The following RBFOX1 variants were observed in gnomAD, a reference collection of about 807,000 sequenced individuals.
RBFOX1 encodes the protein RNA binding protein fox-1 homolog 1.
Under a neutral mutation model 57.7 loss-of-function variants are expected in RBFOX1, and 8 were observed. That is an observed-to-expected ratio of 0.14 (90% CI 0.08 to 0.25). The LOEUF (loss-of-function observed/expected upper bound fraction) is 0.25, where lower values mean the gene tolerates loss of function less well. Ranked by LOEUF, RBFOX1 falls within the 10% of genes least tolerant of loss-of-function variation. The pLI, the probability that RBFOX1 is intolerant of heterozygous loss-of-function variation, is 1.00. For synonymous variants in RBFOX1, 326 were observed against 222.4 expected, an observed-to-expected ratio of 1.47 and a Z score of -4.15; for missense variants, 611 against 548.5, an observed-to-expected ratio of 1.11 and a Z score of -1.14.
chr16:6,473,522 A>G (rs955134773), intron 2 of RBFOX1, among the ~76,000 whole-genome samples: 1 of 151,946 alleles, frequency 6.6e-6, no homozygotes, highest in African/African-American at 2.4e-5. Context: ...CATAAGCTAC[A>G]TGAGGGCTCT....
chr16:6,293,492 C>G (rs7199065), intron 1 of RBFOX1, among the ~76,000 whole-genome samples: 119,385 of 152,068 alleles, frequency 0.79, 47,131 homozygotes, highest in East Asian at 0.99. Flanking sequence ...CTGCCAGGTC[C>G]TTGGATAAGC....
At chr16:5,619,680 G>A (rs1383432885) in intron 3 of RBFOX1, among the ~76,000 whole-genome samples, 1 of 152,182 alleles carries the variant, frequency 6.6e-6, no homozygotes, top group Non-Finnish European at 1.5e-5. Context: ...CTGCCCAGCT[G>A]TTGCCAGAAA....
At chr16:5,764,178 A>C (rs557946442) in intron 3 of RBFOX1, among the ~76,000 whole-genome samples, 1 of 152,300 alleles carries the variant, frequency 6.6e-6, no homozygotes, top group Non-Finnish European at 1.5e-5. Context: ...CATTTGGGCT[A>C]CTACAACTCT....
At chr16:7,263,938 A>C (rs1339985441) in intron 4 of RBFOX1, among the ~76,000 whole-genome samples, 1 of 148,932 alleles carries the variant, frequency 6.7e-6, no homozygotes, top group Non-Finnish European at 1.5e-5. Context: ...AAAAAAAAAC[A>C]AGTAGAAGGA....
At chr16:7,698,458 C>A (rs1366435702) in intron 14 of RBFOX1, among the ~76,000 whole-genome samples, 3 of 151,988 alleles carry the variant, frequency 2.0e-5, no homozygotes, top group African/African-American at 7.3e-5. Context: ...CCCAAGTTAC[C>A]AATTAGAAGC....
Position 6,677,937 on chromosome 16 carries a change from A to G in RBFOX1, c.-16+23287A>G, listed in dbSNP as rs1239886755. ...GTGATTAATCAGTAAGGAACCATAA[A>G]GAACATCTAACCTAGTACCGCCTAA... On this transcript the variant is annotated intron_variant, in intron 3 of 15. Coordinates refer to ENST00000550418, the MANE Select transcript of RBFOX1 (RefSeq NM_018723.4). Among the ~76,000 whole-genome samples the G allele has an allele frequency of 3.3e-5, 5 of 152,232 alleles. 1 individual carries two copies. The highest frequency in any genetic ancestry group is 5.9e-5 in the Non-Finnish European group (4 of 68,046).
At chr16:6,128,407 A>T (rs776525301) in intron 1 of RBFOX1, among the ~76,000 whole-genome samples, 1 of 152,198 alleles carries the variant, frequency 6.6e-6, no homozygotes, top group Non-Finnish European at 1.5e-5. Flanking sequence ...GCAATGAAAT[A>T]CCTAAGGCTA....
At chr16:7,614,855 G>A (rs1048870719) in intron 10 of RBFOX1, 3 of 152,166 alleles carry the variant, frequency 2.0e-5, no homozygotes, top group Non-Finnish European at 2.9e-5. Context: ...CAAGGTTTCT[G>A]GGAAAGCTTA....
rs533884876 is a variant in RBFOX1 at position 6,153,546 on chromosome 16, T to TC, written c.-127+133559dup. 2.1e-3 allele frequency among the ~76,000 whole-genome samples: 319 copies of TC among 152,182 alleles called. 3 individuals carry two copies. The highest frequency in any genetic ancestry group is 7.3e-3 in the African/African-American group (304 of 41,512). ...CAAAGTCCATTGTACGTTTTTTTTT[T>TC]CCCCCTTGGGATGGAGTCTCCCTCT... On this transcript the variant is annotated intron_variant, in intron 1 of 15. Transcript: ENST00000550418.
chr16:5,291,816 C>A (rs1322171374), intron 1 of RBFOX1, among the ~76,000 whole-genome samples: 2 of 152,044 alleles, frequency 1.3e-5, no homozygotes, highest in Admixed American at 6.6e-5. Context: ...GAGGTAAAAC[C>A]CACGTGACTT....
intron 3 of RBFOX1, among the ~76,000 whole-genome samples, chr16:5,675,047 C>G (rs1431662806): frequency 6.6e-6 from 1 of 152,028 alleles, no homozygotes; most frequent in Admixed American, 6.6e-5. Flanking sequence ...TACTTGGAGC[C>G]TGAGGTGGGA....
chr16:7,569,467 G>A (rs1303945522), intron 5 of RBFOX1, among the ~76,000 whole-genome samples: 1 of 152,142 alleles, frequency 6.6e-6, no homozygotes, highest in African/African-American at 2.4e-5. Context: ...GACATTGGGG[G>A]TTCTCTTCCA....
At chr16:6,324,478 A>G (rs971397808) in intron 2 of RBFOX1, among the ~76,000 whole-genome samples, 3 of 152,198 alleles carry the variant, frequency 2.0e-5, no homozygotes, top group Non-Finnish European at 4.4e-5. Flanking sequence ...TTATGGCAGA[A>G]GGCAGAAGGC....
chr16:6,685,870 C>A (rs1377905682), intron 3 of RBFOX1, among the ~76,000 whole-genome samples: 3 of 152,094 alleles, frequency 2.0e-5, no homozygotes, highest in Non-Finnish European at 4.4e-5. Context: ...CTTAAAGCCA[C>A]CATTATTAAT....
intron 3 of RBFOX1, among the ~76,000 whole-genome samples, chr16:5,690,320 T>C (rs1321507352): frequency 6.6e-6 from 1 of 152,172 alleles, no homozygotes; most frequent in African/African-American, 2.4e-5. Flanking sequence ...CTGAAAGGAA[T>C]ACTCCTCAAT....
At chr16:7,678,274 T>C (rs2073899647) in intron 14 of RBFOX1, among the ~76,000 whole-genome samples, 1 of 152,198 alleles carries the variant, frequency 6.6e-6, no homozygotes, top group Non-Finnish European at 1.5e-5. Context: ...GTGTTTCATG[T>C]AAGTTGTTAT....
chr16:7,056,045 G>A (rs1478271428), intron 4 of RBFOX1, among the ~76,000 whole-genome samples: 2 of 152,104 alleles, frequency 1.3e-5, no homozygotes, highest in Non-Finnish European at 2.9e-5. Flanking sequence ...TTTGCCTTGT[G>A]TAATTTGGAC....
intron 3 of RBFOX1, chr16:6,703,873 C>G (rs1437562657): frequency 1.3e-5 from 2 of 152,240 alleles, no homozygotes; most frequent in Non-Finnish European, 1.5e-5. Flanking sequence ...GCAACTTACT[C>G]TGTTACACCT....
At chr16:5,954,536 G>A (rs768193216) in intron 4 of RBFOX1, among the ~76,000 whole-genome samples, 2 of 152,164 alleles carry the variant, frequency 1.3e-5, no homozygotes, top group African/African-American at 2.4e-5. Flanking sequence ...ATTATTAAAA[G>A]TGTTCTTAAT....
Sources: gnomAD v4.1 joint callset for allele counts (sites outside exome capture counted in the v4.1 genomes callset) on GRCh38, gnomAD v4.1.1 for gene constraint, MANE v1.5 for transcripts, NCBI Gene and HGNC (gene_info 2026-07-23, HGNC 2026-07-21) for gene names.